The following ASAP2 variants were observed in gnomAD, a reference collection of about 807,000 sequenced individuals.
ASAP2 encodes the protein ArfGAP with SH3 domain, ankyrin repeat and PH domain 2.
In ASAP2, 45 loss-of-function variants were observed where a neutral mutation model predicts 131.4. The observed-to-expected ratio is 0.34, with a 90% confidence interval of 0.27 to 0.44. The LOEUF is 0.44. ASAP2 is among the 20% of genes least tolerant of loss of function. The pLI is 1.00. For synonymous variants in ASAP2, 510 were observed against 503.0 expected, an observed-to-expected ratio of 1.01 and a Z score of -0.19; for missense variants, 1,011 against 1,297.0, an observed-to-expected ratio of 0.78 and a Z score of 3.39.
intron 1 of ASAP2, among the ~76,000 whole-genome samples, chr2:9,222,457 T>C (rs183384504): frequency 5.9e-5 from 9 of 152,342 alleles, no homozygotes; most frequent in African/African-American, 2.2e-4. Context: ...AAGCTGCTGT[T>C]TCTGCTGGTG....
At chr2:9,355,013 T>C (rs1332892320) in intron 12 of ASAP2, among the ~76,000 whole-genome samples, 1 of 152,224 alleles carries the variant, frequency 6.6e-6, no homozygotes, top group Non-Finnish European at 1.5e-5. Context: ...TTAGACTGCT[T>C]TTAGACAGAG....
In ASAP2 at chr2:9,389,498, G is replaced by A. The variant is rs6733940; in HGVS notation, c.2383+952G>A. On this transcript the variant is annotated intron_variant, in intron 22 of 27. Coordinates refer to ENST00000281419, the MANE Select transcript of ASAP2 (RefSeq NM_003887.3). The surrounding 1 kb of genome is among the most constrained non-coding windows in gnomAD (Gnocchi z 4.7). ...TCGGTGCGTGAGGGTGGCTGAGGCCGGGAGACCTGGCCCAGGGCTGAGCAG... is the reference window on the plus strand; with the variant it reads ...TCGGTGCGTGAGGGTGGCTGAGGCCAGGAGACCTGGCCCAGGGCTGAGCAG... 0.014 allele frequency among the ~76,000 whole-genome samples: 2,195 copies of A among 152,328 alleles called. 55 individuals carry two copies. The highest frequency in any genetic ancestry group is 0.05 in the African/African-American group (2,083 of 41,570).
At chr2:9,262,598 T>C (rs1034409458) in intron 1 of ASAP2, among the ~76,000 whole-genome samples, 11 of 152,254 alleles carry the variant, frequency 7.2e-5, no homozygotes, top group Non-Finnish European at 1.6e-4. Flanking sequence ...CAGTGATTTG[T>C]AACTGATGCA....
At chr2:9,253,242 C>A (rs1171483870) in intron 1 of ASAP2, among the ~76,000 whole-genome samples, 1 of 152,102 alleles carries the variant, frequency 6.6e-6, no homozygotes, top group Non-Finnish European at 1.5e-5. Context: ...TGGCTCACTG[C>A]AACCTCTGCT....
intron 21 of ASAP2, among the ~76,000 whole-genome samples, chr2:9,387,004 A>G (rs1239823227): frequency 2.7e-5 from 4 of 150,332 alleles, no homozygotes; most frequent in Non-Finnish European, 3.0e-5. Context: ...GGAGATTGAG[A>G]CCATCTTGGC....
chr2:9,271,282 C>G (rs963672088), intron 1 of ASAP2: 26 of 778,510 alleles, frequency 3.3e-5, no homozygotes, highest in Non-Finnish European at 5.6e-5. Flanking sequence ...GAGCCACAAG[C>G]ATTTAAACCC....
At chr2:9,301,315 TC>T (rs1394487814) in intron 3 of ASAP2, among the ~76,000 whole-genome samples, 1 of 152,196 alleles carries the variant, frequency 6.6e-6, no homozygotes, top group East Asian at 1.9e-4. Context: ...AGCAAGATTT[TC>T]TTACTAATGG....
intron 20 of ASAP2, among the ~76,000 whole-genome samples, chr2:9,382,949 T>C (rs974582364): frequency 2.0e-5 from 3 of 152,168 alleles, no homozygotes; most frequent in Admixed American, 6.5e-5. Context: ...ACAGGAATTA[T>C]TACTCAACTG....
chr2:9,258,567 G>A (rs189272760), intron 1 of ASAP2, among the ~76,000 whole-genome samples: 133 of 152,106 alleles, frequency 8.7e-4, no homozygotes, highest in African/African-American at 3.1e-3. Flanking sequence ...TGCCCCCGCC[G>A]CCACACTCAT....
At position 9,387,523 on chromosome 2, in the gene ASAP2, G is replaced by C. The variant is rs1400070887; in HGVS notation, c.2131-771G>C. On this transcript the variant is annotated intron_variant, in intron 21 of 27. Transcript: ENST00000281419. ...TGGGAGGAAAACATCGATCTCTGCT[G>C]AATGAGCCATATAGCTGTTGGAGAT... 2.6e-5 allele frequency among the ~76,000 whole-genome samples: 4 copies of C among 152,304 alleles called. 1 individual carries two copies. In the South Asian group the frequency reaches 6.2e-4, roughly 24 times the overall value.
intron 16 of ASAP2, among the ~76,000 whole-genome samples, chr2:9,371,591 T>C (rs984828405): frequency 2.6e-5 from 4 of 152,248 alleles, no homozygotes; most frequent in African/African-American, 9.6e-5. Flanking sequence ...GGACACCCTC[T>C]AGTGGCCTGT....
chr2:9,376,794 C>T, intron 17 of ASAP2, 114 bp from the exon 18 acceptor site: 1 of 946,868 alleles, frequency 1.1e-6, no homozygotes, highest in Non-Finnish European at 1.6e-6. Flanking sequence ...AGATAAGTTT[C>T]TCGAAGGGAA....
intron 1 of ASAP2, among the ~76,000 whole-genome samples, chr2:9,212,663 T>C (rs1266978494): frequency 6.6e-6 from 1 of 152,122 alleles, no homozygotes; most frequent in Non-Finnish European, 1.5e-5. Flanking sequence ...TATACATGCA[T>C]TCCAGGCCCG....
intron 1 of ASAP2, among the ~76,000 whole-genome samples, chr2:9,224,842 C>A (rs1662653779): frequency 6.6e-6 from 1 of 152,208 alleles, no homozygotes; most frequent in Non-Finnish European, 1.5e-5. Context: ...TGCTCAGAAG[C>A]AGAGTGCTCT....
chr2:9,351,314 C>T (rs1413675701), intron 12 of ASAP2, among the ~76,000 whole-genome samples: 1 of 152,184 alleles, frequency 6.6e-6, no homozygotes, highest in African/African-American at 2.4e-5. Flanking sequence ...CAACAGGTCC[C>T]TTGAAACTTC....
At chr2:9,274,817 A>G (rs1572326557) in intron 1 of ASAP2, among the ~76,000 whole-genome samples, 1 of 152,344 alleles carries the variant, frequency 6.6e-6, no homozygotes, top group East Asian at 1.9e-4. Flanking sequence ...AACAGATTGT[A>G]GAAAAGCAAG....
Position 9,389,953 on chromosome 2 carries a change from C to T in ASAP2, c.2384-1109C>T, listed in dbSNP as rs148914226. ...CCTGCAGGCAGGCATCAATTTTCTA[C>T]GGCCCACAATCAAGATGATTTTGAT... On this transcript the variant is annotated intron_variant, in intron 22 of 27. Coordinates refer to ENST00000281419, the MANE Select transcript of ASAP2 (RefSeq NM_003887.3). The surrounding 1 kb of genome is among the most constrained non-coding windows in gnomAD (Gnocchi z 4.7). Among the ~76,000 whole-genome samples, 784 of 152,310 alleles carry T rather than the reference C, an allele frequency of 5.1e-3. 4 individuals carry two copies. The highest frequency in any genetic ancestry group is 0.018 in the African/African-American group (741 of 41,568).
intron 1 of ASAP2, among the ~76,000 whole-genome samples, chr2:9,248,018 G>A (rs1296019194): frequency 6.6e-6 from 1 of 152,222 alleles, no homozygotes; most frequent in African/African-American, 2.4e-5. Flanking sequence ...TCCAGGAACT[G>A]GAAGTCAACA....
rs911756915 is a variant in ASAP2 at position 9,348,885 on chromosome 2, A to G, written c.1024-1923A>G. 2.7e-4 allele frequency among the ~76,000 whole-genome samples: 41 copies of G among 152,290 alleles called. 1 individual carries two copies. The East Asian group carries it at 7.5e-3, about 28-fold the overall frequency. ...CTTTGCTGCTCTTAAAGATAAGTCC[A>G]GGCAAGCAACCGCCTTCCATGGATA... On this transcript the variant is annotated intron_variant, in intron 11 of 27. Coordinates refer to ENST00000281419, the MANE Select transcript of ASAP2 (RefSeq NM_003887.3).
Sources: gnomAD v4.1 joint callset for allele counts (sites outside exome capture counted in the v4.1 genomes callset) on GRCh38, gnomAD v4.1.1 for gene constraint, Gnocchi (gnomAD v3.1) non-coding constraint, MANE v1.5 for transcripts, NCBI Gene and HGNC (gene_info 2026-07-23, HGNC 2026-07-21) for gene names.